HTR7: variants seen among roughly 807,000 people sequenced by gnomAD.
The protein encoded by HTR7 is 5-HT-7.
Under a neutral mutation model 34.0 loss-of-function variants are expected in HTR7, and 16 were observed. The ratio of observed to expected loss-of-function variants is 0.47; its 90% CI spans 0.32 to 0.71. The LOEUF is 0.71. HTR7 is among the 30% of genes least tolerant of loss of function. The pLI is 0.04. For synonymous variants in HTR7, 265 were observed against 260.2 expected (o/e 1.02, Z -0.18); for missense variants, 504 against 625.5 (o/e 0.81, Z 2.07).
At chr10:90,745,278 G>A (rs533163945) in intron 2 of HTR7, among the ~76,000 whole-genome samples, 3 of 152,232 alleles carry the variant, frequency 2.0e-5, no homozygotes, top group Non-Finnish European at 4.4e-5. Flanking sequence ...GTGAGGGCTC[G>A]CTGTCTGCTT....
chr10:90,741,270 CTTAA>C lies in HTR7; in HGVS notation c.*1208_*1211del, dbSNP rs1482052225. 1 of 152,568 alleles carries C rather than the reference CTTAA, an allele frequency of 6.6e-6. No homozygotes were observed. Among genetic ancestry groups the C allele is most frequent in the Non-Finnish European group, 1.5e-5 (1 of 68,028 alleles). The allele number at this position is 152,568 out of a possible 1,614,324, so 9.5% of individuals were successfully genotyped here. On this transcript the variant is annotated 3_prime_UTR_variant, in exon 4 of 4. Transcript: ENST00000336152. ...CTACTGTCTTTCTGTCTCCTTAGCT[CTTAA>C]TTACTACATAGTGCCATTTAAAAAA...
intron 2 of HTR7, among the ~76,000 whole-genome samples, chr10:90,747,864 A>T (rs1178773574): frequency 6.6e-6 from 1 of 152,224 alleles, no homozygotes; most frequent in Non-Finnish European, 1.5e-5. Context: ...TTCAAACGTG[A>T]AGAAATCTCC....
At chr10:90,774,960 A>C (rs924619068) in intron 1 of HTR7, among the ~76,000 whole-genome samples, 11 of 152,266 alleles carry the variant, frequency 7.2e-5, no homozygotes, top group Non-Finnish European at 4.4e-5. Context: ...TGAGTGGTTT[A>C]GTGAAACATG....
chr10:90,849,766 CT>C lies in HTR7; in HGVS notation c.539+7366del, dbSNP rs35365019. ...CTAGCCATGATGGGGTTGTTTGATA[CT>C]TCAGACCAATGCTTCTGCTGAAAGC... On this transcript the variant is annotated intron_variant, in intron 1 of 3. Transcript: ENST00000336152. 4.2e-3 allele frequency among the ~76,000 whole-genome samples: 647 copies of C among 152,338 alleles called. 7 individuals carry two copies. Among genetic ancestry groups the C allele is most frequent in the Admixed American group, 0.032 (488 of 15,298 alleles).
intron 1 of HTR7, among the ~76,000 whole-genome samples, chr10:90,846,124 T>A (rs537685531): frequency 4.6e-5 from 7 of 152,240 alleles, no homozygotes; most frequent in Non-Finnish European, 7.3e-5. Context: ...TATGTGCATA[T>A]ACATAATAAA....
intron 1 of HTR7, among the ~76,000 whole-genome samples, chr10:90,765,295 A>G (rs954434399): frequency 3.3e-5 from 5 of 152,186 alleles, no homozygotes; most frequent in African/African-American, 1.2e-4. Flanking sequence ...CATTTCTTCT[A>G]GGCTACCCCT....
At chr10:90,851,064 C>CA (rs1156312155) in intron 1 of HTR7, among the ~76,000 whole-genome samples, 1 of 151,830 alleles carries the variant, frequency 6.6e-6, no homozygotes, top group Non-Finnish European at 1.5e-5. Context: ...ACAATAACAA[C>CA]AAAAAAATCA....
chr10:90,817,653 T>C (rs1179131714), intron 1 of HTR7, among the ~76,000 whole-genome samples: 13 of 152,224 alleles, frequency 8.5e-5, no homozygotes, highest in Admixed American at 8.5e-4. Context: ...TAGGTGCTTC[T>C]GTGACTCAAG....
At chr10:90,817,334 C>T (rs928952084) in intron 1 of HTR7, among the ~76,000 whole-genome samples, 2 of 152,136 alleles carry the variant, frequency 1.3e-5, no homozygotes, top group African/African-American at 4.8e-5. Flanking sequence ...TAAAAAGAAA[C>T]TAGTCCTTTC....
intron 2 of HTR7, among the ~76,000 whole-genome samples, chr10:90,747,977 G>T (rs1844666169): frequency 6.6e-6 from 1 of 151,996 alleles, no homozygotes; most frequent in Non-Finnish European, 1.5e-5. Context: ...TAACATGTGG[G>T]TCACTTCTGA....
At chr10:90,813,675 C>T (rs115954815) in intron 1 of HTR7, among the ~76,000 whole-genome samples, 1 of 152,194 alleles carries the variant, frequency 6.6e-6, no homozygotes, top group African/African-American at 2.4e-5. Context: ...AAGCTAGAAG[C>T]TTGCAAGGGT....
At chr10:90,800,325 A>T (rs1324471563) in intron 1 of HTR7, among the ~76,000 whole-genome samples, 5 of 152,172 alleles carry the variant, frequency 3.3e-5, no homozygotes, top group Non-Finnish European at 5.9e-5. Flanking sequence ...CTAAGAAATG[A>T]AAATAAAATT....
At chr10:90,848,460 T>C (rs1348353944) in intron 1 of HTR7, among the ~76,000 whole-genome samples, 1 of 152,240 alleles carries the variant, frequency 6.6e-6, no homozygotes, top group African/African-American at 2.4e-5. Flanking sequence ...TATTTAAAAT[T>C]TTTATTTGAA....
At chr10:90,791,487 G>C (rs1051218197) in intron 1 of HTR7, among the ~76,000 whole-genome samples, 3 of 152,030 alleles carry the variant, frequency 2.0e-5, no homozygotes, top group African/African-American at 7.2e-5. Flanking sequence ...GAAAGATTCA[G>C]AGGTAGGAGA....
intron 1 of HTR7, among the ~76,000 whole-genome samples, chr10:90,827,590 C>G (rs1173912206): frequency 6.6e-6 from 1 of 152,004 alleles, no homozygotes; most frequent in Non-Finnish European, 1.5e-5. Flanking sequence ...ATACTTTTAT[C>G]AGACAAAATA....
intron 1 of HTR7, among the ~76,000 whole-genome samples, chr10:90,820,996 G>A (rs919519497): frequency 5.3e-5 from 8 of 152,098 alleles, no homozygotes; most frequent in Non-Finnish European, 1.0e-4. Context: ...AAAATTATGT[G>A]TTATATCTCA....
intron 1 of HTR7, among the ~76,000 whole-genome samples, chr10:90,829,995 T>C (rs1181576393): frequency 6.6e-6 from 1 of 152,250 alleles, no homozygotes; most frequent in African/African-American, 2.4e-5. Context: ...ATTGTTAAAA[T>C]GTCCATATTA....
chr10:90,821,134 G>A (rs11186322), intron 1 of HTR7, among the ~76,000 whole-genome samples: 1 of 150,316 alleles, frequency 6.7e-6, no homozygotes, highest in East Asian at 2.0e-4. Context: ...ACACACACAT[G>A]CACACACACA....
At chr10:90,762,297 G>T (rs186122071) in intron 1 of HTR7, among the ~76,000 whole-genome samples, 123 of 152,252 alleles carry the variant, frequency 8.1e-4, no homozygotes, top group African/African-American at 2.8e-3. Flanking sequence ...ACGAACACTC[G>T]TTATTTCTTG....
Sources: gnomAD v4.1 joint callset for allele counts (sites outside exome capture counted in the v4.1 genomes callset) on GRCh38, gnomAD v4.1.1 for gene constraint, MANE v1.5 for transcripts, NCBI Gene and HGNC (gene_info 2026-07-23, HGNC 2026-07-21) for gene names.